Variants in GPC6 observed in about 807,000 individuals in gnomAD.
GPC6 encodes glypican 6, also known as glypican-6.
GPC6 carries 14 observed loss-of-function variants against 55.2 expected under a neutral mutation model. That is an observed-to-expected ratio of 0.25 (90% confidence interval 0.17 to 0.40). The LOEUF is 0.40. Among genes scored for constraint, GPC6 ranks in the 10% least tolerant of loss-of-function variants. GPC6 has a pLI of 1.00. For synonymous variants in GPC6, 278 were observed against 259.6 expected (o/e 1.07, Z -0.68); for missense variants, 641 against 708.5 (o/e 0.90, Z 1.08).
intron 4 of GPC6, among the ~76,000 whole-genome samples, chr13:94,074,987 A>T (rs1460479377): frequency 6.6e-6 from 1 of 152,170 alleles, no homozygotes; most frequent in Non-Finnish European, 1.5e-5. Context: ...TGGCTGGCCT[A>T]TCAGATGTTT....
intron 2 of GPC6, among the ~76,000 whole-genome samples, chr13:93,586,674 C>G (rs1475934931): frequency 6.6e-6 from 1 of 152,136 alleles, no homozygotes; most frequent in Non-Finnish European, 1.5e-5. Flanking sequence ...TGGGAGACAA[C>G]CTATACAATA....
intron 2 of GPC6, among the ~76,000 whole-genome samples, chr13:93,739,816 C>T (rs1169601729): frequency 6.6e-6 from 1 of 152,126 alleles, no homozygotes; most frequent in Non-Finnish European, 1.5e-5. Context: ...TAGGAAATTA[C>T]TGCCTGCATG....
Position 94,329,974 on chromosome 13 carries a change from A to G in GPC6, c.1152+23851A>G, listed in dbSNP as rs1352885832. On this transcript the variant is annotated intron_variant, in intron 6 of 8. Transcript: ENST00000377047. ...ATCAAAGGAGCTGAAGGTACTGCGC[A>G]TTGCTGAACTTGAATATGCCTTCTG... Among the ~76,000 whole-genome samples the G allele has an allele frequency of 2.6e-5, 4 of 152,324 alleles. No homozygotes were observed. The South Asian group carries it at 8.3e-4, about 32-fold the overall frequency.
Position 93,390,793 on chromosome 13 carries a change from A to G in GPC6, c.161-154470A>G, listed in dbSNP as rs1167471900. 3.4e-5 allele frequency among the ~76,000 whole-genome samples: 5 copies of G among 147,554 alleles called. No homozygotes were observed. The South Asian group carries it at 1.1e-3, about 32-fold the overall frequency. On this transcript the variant is annotated intron_variant, in intron 1 of 8. Transcript: ENST00000377047. ...AGTTTTTTTTTCTTTTTGTTTAATT[A>G]CTGTCATTAAAAAAAAAAAATCTTG...
At chr13:93,627,685 A>C (rs1014102373) in intron 2 of GPC6, among the ~76,000 whole-genome samples, 1 of 124,250 alleles carries the variant, frequency 8.0e-6, no homozygotes, top group Non-Finnish European at 2.0e-5. Context: ...TGCTGTTATT[A>C]GGTTTCTATT....
intron 4 of GPC6, among the ~76,000 whole-genome samples, chr13:94,125,952 C>T (rs372592580): frequency 2.0e-5 from 3 of 152,038 alleles, no homozygotes; most frequent in East Asian, 1.9e-4. Context: ...TCAGTAACAT[C>T]TCATGTAAAT....
chr13:93,415,752 G>A (rs969768198), intron 1 of GPC6, among the ~76,000 whole-genome samples: 1 of 152,062 alleles, frequency 6.6e-6, no homozygotes, highest in African/African-American at 2.4e-5. Flanking sequence ...TGGAAGATGA[G>A]CATCTTTAAT....
intron 1 of GPC6, among the ~76,000 whole-genome samples, chr13:93,301,533 C>T (rs551294473): frequency 1.3e-5 from 2 of 152,284 alleles, no homozygotes; most frequent in East Asian, 1.9e-4. Flanking sequence ...TTTATGCAGT[C>T]TGTGTTGGTG....
intron 3 of GPC6, among the ~76,000 whole-genome samples, chr13:93,995,936 G>A (rs972012024): frequency 1.3e-5 from 2 of 152,092 alleles, no homozygotes; most frequent in South Asian, 4.1e-4. Flanking sequence ...GAGTGAAAAA[G>A]CAAATGAATG....
intron 4 of GPC6, among the ~76,000 whole-genome samples, chr13:94,102,993 C>T (rs1427807820): frequency 1.3e-5 from 2 of 152,134 alleles, no homozygotes; most frequent in Admixed American, 6.5e-5. Flanking sequence ...CCCATTAACT[C>T]GTCATTTACA....
intron 3 of GPC6, among the ~76,000 whole-genome samples, chr13:93,899,216 G>A (rs1037650709): frequency 6.6e-6 from 1 of 151,660 alleles, no homozygotes; most frequent in African/African-American, 2.4e-5. Context: ...GTTTAGTGCT[G>A]TGCAAAAAGC....
intron 2 of GPC6, among the ~76,000 whole-genome samples, chr13:93,598,259 T>C (rs971210545): frequency 1.3e-5 from 2 of 152,218 alleles, no homozygotes; most frequent in African/African-American, 4.8e-5. Context: ...TTAATGGTGA[T>C]GTTAACACAT....
chr13:93,421,704 G>T (rs918360442), intron 1 of GPC6, among the ~76,000 whole-genome samples: 1 of 151,800 alleles, frequency 6.6e-6, no homozygotes, highest in Non-Finnish European at 1.5e-5. Context: ...ATGGAAGCAG[G>T]TGGAAAATGT....
chr13:94,333,018 G>C (rs554227464), intron 6 of GPC6, among the ~76,000 whole-genome samples: 3 of 152,318 alleles, frequency 2.0e-5, no homozygotes, highest in South Asian at 4.1e-4. Flanking sequence ...GAGGGATTTA[G>C]AGATGAAATT....
intron 4 of GPC6, among the ~76,000 whole-genome samples, chr13:94,228,030 G>C (rs572246656): frequency 6.6e-6 from 1 of 152,308 alleles, no homozygotes; most frequent in South Asian, 2.1e-4. Flanking sequence ...GCACATAGCA[G>C]ATATGAAAGC....
chr13:93,725,034 G>A (rs1883585492), intron 2 of GPC6, among the ~76,000 whole-genome samples: 1 of 151,976 alleles, frequency 6.6e-6, no homozygotes, highest in African/African-American at 2.4e-5. Flanking sequence ...GATCAATAAT[G>A]ATGTAACCTA....
intron 1 of GPC6, among the ~76,000 whole-genome samples, chr13:93,249,641 A>T (rs1044962182): frequency 2.0e-5 from 3 of 152,180 alleles, no homozygotes; most frequent in African/African-American, 7.2e-5. Flanking sequence ...ATGTCTTTTG[A>T]TTTCACTTTG....
intron 1 of GPC6, among the ~76,000 whole-genome samples, chr13:93,513,399 C>G (rs1358127633): frequency 6.6e-6 from 1 of 152,148 alleles, no homozygotes; most frequent in Non-Finnish European, 1.5e-5. Context: ...TCAACATAAA[C>G]CTAGCCAAAT....
At chr13:94,116,153 G>A (rs1344348730) in intron 4 of GPC6, among the ~76,000 whole-genome samples, 1 of 152,048 alleles carries the variant, frequency 6.6e-6, no homozygotes, top group African/African-American at 2.4e-5. Flanking sequence ...TGTGTTTACT[G>A]GGGAGAGAAG....
Sources: allele counts gnomAD v4.1 joint callset (sites outside exome capture counted in the v4.1 genomes callset), GRCh38; gene constraint gnomAD v4.1.1; transcripts MANE v1.5; gene names NCBI Gene and HGNC (gene_info 2026-07-23, HGNC 2026-07-21).